The following CYYR1 variants were observed in gnomAD, a reference collection of about 807,000 sequenced individuals.
The protein encoded by CYYR1 is cysteine and tyrosine-rich protein 1.
CYYR1 carries 14 observed loss-of-function variants against 15.2 expected under a neutral mutation model. The observed-to-expected ratio is 0.92, with a 90% CI of 0.61 to 1.44. The LOEUF (loss-of-function observed/expected upper bound fraction) is 1.44. CYYR1 is among the 40% of genes most tolerant of loss of function. The probability of loss-of-function intolerance (pLI) is 0.00; values close to 1 mark genes in which losing one functional copy is unlikely to be tolerated. For synonymous variants in CYYR1, 80 were observed against 77.4 expected (o/e 1.03, Z -0.18); for missense variants, 228 against 209.5 (o/e 1.09, Z -0.54).
At chr21:26,522,206 T>C (rs2065811566) in intron 2 of CYYR1, among the ~76,000 whole-genome samples, 1 of 152,206 alleles carries the variant, frequency 6.6e-6, no homozygotes, top group Admixed American at 6.5e-5. Context: ...AGATTTACCA[T>C]ATATTTTTTA....
intron 3 of CYYR1, 22 bp from the exon 4 acceptor site, chr21:26,468,656 A>C: frequency 1.3e-6 from 2 of 1,541,216 alleles, no homozygotes; most frequent in Non-Finnish European, 8.9e-7. Context: ...GGGGAAGAGA[A>C]CATCAAGGAG....
At chr21:26,516,570 TC>T (rs1272542161) in intron 2 of CYYR1, among the ~76,000 whole-genome samples, 1 of 152,220 alleles carries the variant, frequency 6.6e-6, no homozygotes, top group Non-Finnish European at 1.5e-5. Context: ...TATAGAGATC[TC>T]CCAAAATATA....
At chr21:26,524,793 GT>G (rs5843240) in intron 2 of CYYR1, among the ~76,000 whole-genome samples, 96,947 of 152,020 alleles carry the variant, frequency 0.64, 31,069 homozygotes, top group East Asian at 0.8. Context: ...CACATATTTT[GT>G]TTTTTTAAGA....
chr21:26,539,411 GC>G (rs1383524168), intron 2 of CYYR1, among the ~76,000 whole-genome samples: 1 of 152,126 alleles, frequency 6.6e-6, no homozygotes, highest in Non-Finnish European at 1.5e-5. Flanking sequence ...GTATTTATTT[GC>G]TGTCTTCCAA....
chr21:26,572,930 G>A lies in CYYR1; in HGVS notation c.11C>T (p.Pro4Leu). 1 of 1,613,942 alleles carries A rather than the reference G, an allele frequency of 6.2e-7. No homozygotes were observed. The change falls in exon 1 of 4, where the codon CCG (proline) becomes CTG (leucine). Residue 4 changes from proline (P) to leucine (L), a missense_variant. By Grantham distance (98) the Pro-to-Leu change is moderately conservative. Coordinates refer to ENST00000652641, the MANE Select transcript of CYYR1 (RefSeq NM_001320768.2). Reference sequence around the variant, plus strand: ...GACCCCTGGACGCACGGGTAGCCTCGGAGCGTCCATCCAAGCCGGTGGCCT... The same window carrying A: ...GACCCCTGGACGCACGGGTAGCCTCAGAGCGTCCATCCAAGCCGGTGGCCT... MDA[P>L]RLPVRPGVLL...
intron 2 of CYYR1, among the ~76,000 whole-genome samples, chr21:26,519,087 T>C (rs548871058): frequency 1.3e-5 from 2 of 152,210 alleles, no homozygotes; most frequent in Non-Finnish European, 2.9e-5. Context: ...AAGAAAATCT[T>C]AGGCTGTATA....
At chr21:26,480,475 T>G in intron 2 of CYYR1, 46 bp from the exon 3 acceptor site, 2 of 1,565,012 alleles carry the variant, frequency 1.3e-6, no homozygotes, top group Non-Finnish European at 1.7e-6. Context: ...TTGTAAGCAT[T>G]CTTTAGACTT....
At chr21:26,500,629 T>G (rs2065468241) in intron 2 of CYYR1, among the ~76,000 whole-genome samples, 1 of 151,866 alleles carries the variant, frequency 6.6e-6, no homozygotes, top group African/African-American at 2.4e-5. Flanking sequence ...TCTTTTTCTC[T>G]CTCCCCAACA....
chr21:26,509,834 G>T (rs532803125), intron 2 of CYYR1, among the ~76,000 whole-genome samples: 2 of 152,160 alleles, frequency 1.3e-5, no homozygotes, highest in African/African-American at 4.8e-5. Flanking sequence ...CTAGTACCAT[G>T]ATCTCACCCA....
intron 3 of CYYR1, among the ~76,000 whole-genome samples, chr21:26,476,498 A>G (rs219671): frequency 0.27 from 41,243 of 151,944 alleles, 6,153 homozygotes; most frequent in Non-Finnish European, 0.34. Flanking sequence ...TTTCAATTCT[A>G]TAACTCCCTT....
At chr21:26,522,872 G>C (rs2065818424) in intron 2 of CYYR1, among the ~76,000 whole-genome samples, 1 of 152,220 alleles carries the variant, frequency 6.6e-6, no homozygotes, top group South Asian at 2.1e-4. Flanking sequence ...AAGAAATCAA[G>C]AGTGTTCTGA....
At chr21:26,523,081 T>C (rs927729617) in intron 2 of CYYR1, among the ~76,000 whole-genome samples, 6 of 152,218 alleles carry the variant, frequency 3.9e-5, no homozygotes. Flanking sequence ...TTAACTGTGG[T>C]GAACGAGATG....
intron 3 of CYYR1, chr21:26,478,275 C>A: frequency 8.8e-7 from 1 of 1,138,060 alleles, no homozygotes; most frequent in South Asian, 1.6e-5. Context: ...GGACACATTA[C>A]AATCTTAAAT....
chr21:26,528,897 A>G (rs1039866547), intron 2 of CYYR1, among the ~76,000 whole-genome samples: 1 of 152,228 alleles, frequency 6.6e-6, no homozygotes, highest in Non-Finnish European at 1.5e-5. Context: ...AAGATCTCTT[A>G]TAAGCCTTTT....
At chr21:26,535,321 G>A (rs989084809) in intron 2 of CYYR1, among the ~76,000 whole-genome samples, 1 of 152,152 alleles carries the variant, frequency 6.6e-6, no homozygotes, top group South Asian at 2.1e-4. Context: ...TGCTAGAGCA[G>A]GGTGGTACAG....
At position 26,466,578 on chromosome 21, in the gene CYYR1, G is replaced by A. The variant is rs2064970601; in HGVS notation, c.*1923C>T. 6.6e-6 allele frequency: 1 copy of A among 152,114 alleles called. No individual in the cohort carries two copies. The highest frequency in any genetic ancestry group is 2.4e-5 in the African/African-American group (1 of 41,432). The allele number at this position is 152,114 out of a possible 1,614,324, so 9.4% of individuals were successfully genotyped here. Reference sequence around the variant, plus strand: ...GGTACGCAATAAATGTTTATTGATGGTGAAGATGAGAAAACCCTATTTCTG... The same window carrying A: ...GGTACGCAATAAATGTTTATTGATGATGAAGATGAGAAAACCCTATTTCTG... On this transcript the variant is annotated 3_prime_UTR_variant, in exon 4 of 4. Coordinates refer to ENST00000652641, the MANE Select transcript of CYYR1 (RefSeq NM_001320768.2).
intron 2 of CYYR1, among the ~76,000 whole-genome samples, chr21:26,505,905 A>G (rs1436250849): frequency 6.6e-6 from 1 of 152,242 alleles, no homozygotes; most frequent in Non-Finnish European, 1.5e-5. Context: ...ATAAAATCAA[A>G]GTACTGCCCC....
intron 2 of CYYR1, among the ~76,000 whole-genome samples, chr21:26,525,749 C>T (rs923202862): frequency 6.6e-6 from 1 of 152,136 alleles, no homozygotes; most frequent in African/African-American, 2.4e-5. Context: ...ATAGTCATTG[C>T]CTACATGTGA....
intron 2 of CYYR1, among the ~76,000 whole-genome samples, chr21:26,543,989 C>T (rs763022037): frequency 3.3e-5 from 5 of 152,038 alleles, no homozygotes; most frequent in Non-Finnish European, 7.4e-5. Context: ...GTAGTGCTTA[C>T]CCTGGAAAGC....
Sources: gnomAD v4.1 joint callset for allele counts (sites outside exome capture counted in the v4.1 genomes callset) on GRCh38, gnomAD v4.1.1 for gene constraint, MANE v1.5 for transcripts, NCBI Gene and HGNC (gene_info 2026-07-23, HGNC 2026-07-21) for gene names.